The following VSIG4 variants were observed in gnomAD, a reference collection of about 807,000 sequenced individuals.
VSIG4 encodes the protein V-set and immunoglobulin domain containing 4.
VSIG4 carries 34 observed loss-of-function variants against 23.4 expected under a neutral mutation model. The ratio of observed to expected loss-of-function variants is 1.45; its 90% CI spans 1.10 to 1.93. VSIG4 has a LOEUF of 1.93. Ranked by LOEUF, VSIG4 falls within the 30% of genes most tolerant of loss-of-function variation. The pLI is 0.00. For synonymous variants in VSIG4, 169 were observed against 120.3 expected (o/e 1.41, Z -2.65); for missense variants, 433 against 310.8 (o/e 1.39, Z -2.96).
intron 2 of VSIG4, among the ~76,000 whole-genome samples, chrX:66,033,043 C>T (rs987218304): frequency 2.7e-5 from 3 of 111,507 alleles, no homozygotes; most frequent in African/African-American, 3.3e-5. Flanking sequence ...TTTTGATTAC[C>T]TGCAGTTGTG....
At chrX:66,027,186 T>G in intron 5 of VSIG4, among the ~76,000 whole-genome samples, 1 of 111,648 alleles carries the variant, frequency 9.0e-6, no homozygotes, top group Middle Eastern at 4.6e-3. Flanking sequence ...GAAAGCATAT[T>G]ACTATGACAA....
Position 66,027,478 on chromosome X carries a change from C to T in VSIG4, c.806G>A (p.Gly269Asp). 8.3e-7 allele frequency: 1 copy of T among 1,204,676 alleles called. No individual in the cohort carries two copies. The highest frequency in any genetic ancestry group is 1.1e-6 in the Non-Finnish European group (1 of 891,509). The change falls in exon 5 of 8, where the codon GGC becomes GAC. Residue 269 changes from glycine to aspartate, a missense_variant. By Grantham distance (94) the Gly-to-Asp change is moderately conservative (BLOSUM62 -1). Transcript: ENST00000374737. ...CCCAGCACTGGTCTCTCCAAGGTAG[C>T]CATCCATGTCAGTGGTCCAGTCCCA... Reference protein sequence around the residue: ...QSWDWTTDMDGYLGETSAGPG... With the variant: ...QSWDWTTDMDDYLGETSAGPG...
rs369431334 is a variant in VSIG4, at chrX:66,029,890, AT to A, written c.695-1779del. On this transcript the variant is annotated intron_variant, in intron 3 of 7. Transcript: ENST00000374737. ...ACTGGGATCTAGCAGTCAGGAAAAA[AT>A]AAATACAGATAATATTATGGTTGGA... Among the ~76,000 whole-genome samples, 603 of 111,216 alleles carry A rather than the reference AT, an allele frequency of 5.4e-3. 5 individuals carry two copies. The highest frequency in any genetic ancestry group is 0.019 in the African/African-American group (576 of 30,229).
intron 1 of VSIG4, among the ~76,000 whole-genome samples, chrX:66,038,701 T>C (rs1436484570): frequency 9.0e-6 from 1 of 111,565 alleles, no homozygotes; most frequent in Non-Finnish European, 1.9e-5. Context: ...TCAGGAGCAT[T>C]AACTCTGCCA....
At position 66,022,357 on chromosome X, in the gene VSIG4, A is replaced by T; in HGVS notation, c.1106T>A (p.Ile369Asn). The T allele has an allele frequency of 8.3e-7, 1 of 1,212,057 alleles. No homozygotes were observed. Residue 369 changes from isoleucine to asparagine, a missense_variant, in exon 8 of 8, where the codon ATC becomes AAC. By Grantham distance (149) the Ile-to-Asn change is moderately radical (BLOSUM62 -3). Coordinates refer to ENST00000374737, the MANE Select transcript of VSIG4 (RefSeq NM_007268.3). ...DEPCIGQEYQ[I>N]IAQINGNYAR... Reference sequence around the variant, plus strand: ...GTAGTTGCCATTGATCTGGGCGATGATCTGGTACTCCTGTCCTATGCAGGG... The same window carrying T: ...GTAGTTGCCATTGATCTGGGCGATGTTCTGGTACTCCTGTCCTATGCAGGG...
intron 4 of VSIG4, among the ~76,000 whole-genome samples, chrX:66,027,847 T>C (rs1334112809): frequency 8.9e-6 from 1 of 112,403 alleles, no homozygotes; most frequent in African/African-American, 3.2e-5. Flanking sequence ...CTCTCTTTCC[T>C]TTTGCCTCAG....
At position 66,027,652 on chromosome X, in the gene VSIG4, C is replaced by T. The variant is rs2085408360; in HGVS notation, c.758-126G>A. ...TGCTGTACTTTCCAGGGTACCTGAC[C>T]ATGTTATCAACCACTAGTACCATGA... On this transcript the variant is annotated intron_variant, in intron 4 of 7. Coordinates refer to ENST00000374737, the MANE Select transcript of VSIG4 (RefSeq NM_007268.3). 4 of 531,018 alleles carry T rather than the reference C, an allele frequency of 7.5e-6. No individual in the cohort carries two copies. The East Asian group carries it at 1.1e-4, about 15-fold the overall frequency. The allele number at this position is 531,018 out of a possible 1,213,427, so 43.8% of individuals were successfully genotyped here. A position where few individuals can be genotyped will look rare whatever the true frequency, so the allele number is the denominator to read the frequency against.
intron 1 of VSIG4, among the ~76,000 whole-genome samples, chrX:66,036,950 T>TAA (rs1391776450): frequency 1.1e-4 from 3 of 27,362 alleles, no homozygotes; most frequent in African/African-American, 6.2e-4. Context: ...ATATGATATA[T>TAA]TATATTATAT....
chrX:66,030,359 G>A (rs2085450435), intron 3 of VSIG4, among the ~76,000 whole-genome samples: 1 of 111,465 alleles, frequency 9.0e-6, no homozygotes, highest in African/African-American at 3.3e-5. Context: ...GGTGGCAGAT[G>A]GAGAGAAAGA....
chrX:66,027,311 G>T, intron 5 of VSIG4, 138 bp downstream of exon 5: 1 of 534,965 alleles, frequency 1.9e-6, no homozygotes, highest in Non-Finnish European at 3.2e-6. Context: ...CATCCTCAGT[G>T]CCCTTGACCA....
In VSIG4 at chrX:66,028,055, A is replaced by G. The variant is rs765450228; in HGVS notation, c.752T>C (p.Leu251Ser). The G allele has an allele frequency of 1.7e-6, 2 of 1,209,933 alleles. No homozygotes were observed. Among genetic ancestry groups the G allele is most frequent in the Non-Finnish European group, 2.2e-6 (2 of 894,242 alleles). The part of the protein sequence containing the change: ...TEAPTTMTYP[L>S]KATSTVKQSW... ...CAGACTCTAGCAAAACTCACCTTTC[A>G]AGGGGTATGTCATGGTTGTAGGTGC... The change falls in exon 4 of 8, where the codon TTG becomes TCG. Residue 251 changes from leucine (L) to serine (S), a missense_variant. By Grantham distance (145) the Leu-to-Ser change is moderately radical (BLOSUM62 -2). Transcript: ENST00000374737.
At chrX:66,024,095 C>T (rs1278851158) in intron 6 of VSIG4, among the ~76,000 whole-genome samples, 1 of 112,296 alleles carries the variant, frequency 8.9e-6, no homozygotes, top group Non-Finnish European at 1.9e-5. Context: ...AGTAACCAGG[C>T]TATTTGGGAG....
chrX:66,028,615 G>A (rs993028265), intron 3 of VSIG4, among the ~76,000 whole-genome samples: 14 of 93,746 alleles, frequency 1.5e-4, no homozygotes, highest in Non-Finnish European at 2.7e-4. Context: ...AAGGTTTGCA[G>A]CACCTTAGAC....
intron 1 of VSIG4, among the ~76,000 whole-genome samples, chrX:66,037,696 TTATACTTATTACTGATAAGTATA>T (rs1261424114): frequency 1.3e-5 from 1 of 79,243 alleles, no homozygotes; most frequent in Non-Finnish European, 2.2e-5. Context: ...TTATATTATA[TTATACTTATTACTGATAAGTATA>T]TATACTTATT....
intron 1 of VSIG4, among the ~76,000 whole-genome samples, chrX:66,038,733 G>C (rs926239444): frequency 1.8e-5 from 2 of 110,872 alleles, no homozygotes; most frequent in African/African-American, 6.6e-5. Context: ...TGGCTTGGGG[G>C]CAAATTATTT....
rs1264675284 is a variant in VSIG4, at chrX:66,036,917, TATATTATATTATATG to T, written c.55+3012_55+3026del. On this transcript the variant is annotated intron_variant, in intron 1 of 7. Coordinates refer to ENST00000374737, the MANE Select transcript of VSIG4 (RefSeq NM_007268.3). ...TTTTATTATATAATATATTATATGA[TATATTATATTATATG>T]ATATATTATATGATATATTATATTA... Among the ~76,000 whole-genome samples the T allele has an allele frequency of 1.9e-4, 5 of 25,738 alleles. No homozygotes were observed. The African/African-American group carries it at 2.3e-3, about 12-fold the overall frequency. The allele number at this position is 25,738 out of a possible 115,157, so 22.4% of individuals were successfully genotyped here.
chrX:66,028,091 G>A lies in VSIG4; in HGVS notation c.716C>T (p.Thr239Ile). 1 of 1,210,676 alleles carries A rather than the reference G, an allele frequency of 8.3e-7. No homozygotes were observed. The highest frequency in any genetic ancestry group is 1.1e-6 in the Non-Finnish European group (1 of 894,845). The part of the protein sequence containing the change: ...VVKDSSKLLK[T>I]KTEAPTTMTY... Reference sequence around the variant, plus strand: ...CATGGTTGTAGGTGCCTCAGTCTTGGTCTTGAGTAGCTTTGAGGAGTCTGC... The same window carrying A: ...CATGGTTGTAGGTGCCTCAGTCTTGATCTTGAGTAGCTTTGAGGAGTCTGC... The change falls in exon 4 of 8, where the codon ACC (threonine) becomes ATC (isoleucine). Residue 239 changes from threonine (T) to isoleucine (I), a missense_variant. By Grantham distance (89) the Thr-to-Ile change is moderately conservative. Coordinates refer to ENST00000374737, the MANE Select transcript of VSIG4 (RefSeq NM_007268.3).
At chrX:66,039,586 GC>G (rs1242497897) in intron 1 of VSIG4, among the ~76,000 whole-genome samples, 2 of 111,967 alleles carry the variant, frequency 1.8e-5, no homozygotes, top group African/African-American at 3.2e-5. Flanking sequence ...AAGCTTGGAA[GC>G]AGAGTGGTTA....
intron 1 of VSIG4, 98 bp downstream of exon 1, chrX:66,039,846 C>T: frequency 2.0e-6 from 2 of 1,020,631 alleles, no homozygotes; most frequent in Non-Finnish European, 2.7e-6. Context: ...ACTCACCTGC[C>T]CAGTAGGAAT....
Sources: allele counts gnomAD v4.1 joint callset (sites outside exome capture counted in the v4.1 genomes callset), GRCh38; gene constraint gnomAD v4.1.1; transcripts MANE v1.5; gene names NCBI Gene and HGNC (gene_info 2026-07-23, HGNC 2026-07-21).